INPP5A: variants seen among roughly 807,000 people sequenced by gnomAD.
INPP5A encodes inositol polyphosphate-5-phosphatase A.
In INPP5A, 14 loss-of-function variants were observed where a neutral mutation model predicts 65.2. That is an observed-to-expected ratio of 0.21 (90% confidence interval 0.14 to 0.34). The LOEUF is 0.34. Among genes scored for constraint, INPP5A ranks in the 10% least tolerant of loss-of-function variants. INPP5A has a pLI of 1.00. For missense variants in INPP5A, 431 were observed against 545.6 expected, an observed-to-expected ratio of 0.79 and a Z score of 2.09; for synonymous variants, 207 against 208.3, an observed-to-expected ratio of 0.99 and a Z score of 0.05.
intron 2 of INPP5A, among the ~76,000 whole-genome samples, chr10:132,618,095 T>C (rs145044123): frequency 7.9e-4 from 121 of 152,356 alleles, no homozygotes; most frequent in African/African-American, 2.7e-3. Flanking sequence ...CAGGATATAA[T>C]GTTGTCTGTC....
intron 4 of INPP5A, among the ~76,000 whole-genome samples, chr10:132,684,379 A>G (rs1366626165): frequency 6.6e-6 from 1 of 152,170 alleles, no homozygotes; most frequent in Non-Finnish European, 1.5e-5. Flanking sequence ...AGACATATGT[A>G]TGTCTACAGG....
Position 132,766,903 on chromosome 10 carries a change from G to A in INPP5A, c.977+1057G>A, listed in dbSNP as rs532558639. On this transcript the variant is annotated intron_variant, in intron 12 of 15. Coordinates refer to ENST00000368594, the MANE Select transcript of INPP5A (RefSeq NM_005539.5). ...GAGCTGGAGGATGCGGCCTCAGGGA[G>A]CTTGGGTGGGCTTGGGTGGGAGCCG... Among the ~76,000 whole-genome samples the A allele has an allele frequency of 1.3e-4, 18 of 140,894 alleles. 1 individual carries two copies. Among genetic ancestry groups the A allele is most frequent in the South Asian group, 5.0e-4 (2 of 4,006 alleles). The allele number at this position is 140,894 out of a possible 152,430, so 92.4% of individuals were successfully genotyped here.
chr10:132,665,249 G>A (rs551345646), intron 4 of INPP5A, among the ~76,000 whole-genome samples: 5 of 152,308 alleles, frequency 3.3e-5, no homozygotes, highest in Middle Eastern at 3.4e-3. Flanking sequence ...AGCGCACCCC[G>A]CAGCGGCCAC....
chr10:132,561,024 C>T (rs892132575), intron 1 of INPP5A, among the ~76,000 whole-genome samples: 10 of 147,556 alleles, frequency 6.8e-5, no homozygotes, highest in Non-Finnish European at 1.3e-4. Flanking sequence ...GTGTTGTCTT[C>T]GCTTTTTTGA....
rs1035902028 is a variant in INPP5A, at chr10:132,705,509, G to A, written c.475-2804G>A. Among the ~76,000 whole-genome samples, 10 of 152,250 alleles carry A rather than the reference G, an allele frequency of 6.6e-5. No individual in the cohort carries two copies. The highest frequency in any genetic ancestry group is 7.2e-5 in the African/African-American group (3 of 41,470). On this transcript the variant is annotated intron_variant, in intron 6 of 15. Coordinates refer to ENST00000368594, the MANE Select transcript of INPP5A (RefSeq NM_005539.5). This position sits in a 1 kb window ranked among gnomAD's most constrained non-coding sequence, Gnocchi z 4.9. The stretch of plus-strand genomic sequence containing the variant: ...CAGAGCCAGCTCGTGGTGTGAGGAC[G>A]GATCCTCCTCGACGAGTAGAGCCAT...
At chr10:132,683,742 A>T (rs970439419) in intron 4 of INPP5A, among the ~76,000 whole-genome samples, 2 of 152,210 alleles carry the variant, frequency 1.3e-5, no homozygotes, top group Non-Finnish European at 2.9e-5. Context: ...ACAAAGTCTC[A>T]CTTGCTCTGT....
At chr10:132,654,909 C>T (rs1179770507) in intron 4 of INPP5A, among the ~76,000 whole-genome samples, 3 of 152,222 alleles carry the variant, frequency 2.0e-5, no homozygotes, top group South Asian at 2.1e-4. Context: ...ATGGCGCCCA[C>T]GCAGCGCCTG....
At chr10:132,755,193 A>G (rs1421619776) in intron 11 of INPP5A, among the ~76,000 whole-genome samples, 1 of 151,424 alleles carries the variant, frequency 6.6e-6, no homozygotes, top group Non-Finnish European at 1.5e-5. Context: ...GAGAGCAGGC[A>G]TATGCACATG....
intron 11 of INPP5A, among the ~76,000 whole-genome samples, chr10:132,757,439 G>A (rs1403747631): frequency 2.0e-5 from 3 of 152,260 alleles, no homozygotes; most frequent in South Asian, 2.1e-4. Flanking sequence ...AGTGTGTTAC[G>A]CCACCTGCGG....
At chr10:132,746,686 C>G (rs1255803993) in intron 9 of INPP5A, among the ~76,000 whole-genome samples, 2 of 152,214 alleles carry the variant, frequency 1.3e-5, no homozygotes, top group Non-Finnish European at 2.9e-5. Flanking sequence ...CACACCGGAC[C>G]ACTCTTTCCA....
At chr10:132,586,485 C>T (rs1359355791) in intron 1 of INPP5A, among the ~76,000 whole-genome samples, 1 of 152,196 alleles carries the variant, frequency 6.6e-6, no homozygotes, top group African/African-American at 2.4e-5. Context: ...CCCAGAAACC[C>T]AGTTGACTTC....
chr10:132,664,907 T>C (rs933963385), intron 4 of INPP5A, among the ~76,000 whole-genome samples: 28 of 152,232 alleles, frequency 1.8e-4, no homozygotes, highest in African/African-American at 6.5e-4. Context: ...TGCATCCTGC[T>C]GTCTTAAGTA....
chr10:132,630,607 G>GGGAAGACGTCCATGAGT (rs2133372895), intron 2 of INPP5A, among the ~76,000 whole-genome samples: 1 of 146,754 alleles, frequency 6.8e-6, no homozygotes, highest in East Asian at 2.0e-4. Flanking sequence ...CGTCCATGAG[G>GGGAAGACGTCCATGAGT]GGAAGACATC....
intron 2 of INPP5A, among the ~76,000 whole-genome samples, chr10:132,626,322 C>G (rs2072183570): frequency 6.6e-6 from 1 of 152,234 alleles, no homozygotes; most frequent in Non-Finnish European, 1.5e-5. Context: ...ACGCAGGCTT[C>G]CCGGGACACA....
Position 132,558,460 on chromosome 10 carries a change from G to A in INPP5A, c.75+20289G>A, listed in dbSNP as rs754131899. On this transcript the variant is annotated intron_variant, in intron 1 of 15. Coordinates refer to ENST00000368594, the MANE Select transcript of INPP5A (RefSeq NM_005539.5). ...TGCCTCCTGAAGCCACGTCCACGTC[G>A]GCTCCTGTGCAGTAGAGACCGGAGT... is the stretch of plus-strand genomic sequence containing the variant. Among the ~76,000 whole-genome samples the A allele has an allele frequency of 3.0e-4, 45 of 152,180 alleles. 1 individual carries two copies. The highest frequency in any genetic ancestry group is 4.3e-4 in the Non-Finnish European group (29 of 68,020).
At chr10:132,589,685 G>A (rs1436962038) in intron 1 of INPP5A, among the ~76,000 whole-genome samples, 1 of 152,240 alleles carries the variant, frequency 6.6e-6, no homozygotes, top group Non-Finnish European at 1.5e-5. Context: ...CTTGGTGAGT[G>A]GGAGAGGGAT....
chr10:132,752,330 G>A (rs1846500909), intron 11 of INPP5A, among the ~76,000 whole-genome samples: 1 of 151,822 alleles, frequency 6.6e-6, no homozygotes, highest in Non-Finnish European at 1.5e-5. Flanking sequence ...AAGGAGCTAG[G>A]AGACAGGGAA....
rs1415105795 is a variant in INPP5A at position 132,783,440 on chromosome 10, G to A, written c.*1411G>A. ...TTCTGAGGGGCCTTTGGAAGTGACC[G>A]GTCTGGTTCCTAAGCAATAAAATTG... On this transcript the variant is annotated 3_prime_UTR_variant, in exon 16 of 16. Coordinates refer to ENST00000368594, the MANE Select transcript of INPP5A (RefSeq NM_005539.5). 6.6e-6 allele frequency: 1 copy of A among 152,418 alleles called. No individual in the cohort carries two copies. The highest frequency in any genetic ancestry group is 2.4e-5 in the African/African-American group (1 of 41,426). The allele number at this position is 152,418 out of a possible 1,614,324, so 9.4% of individuals were successfully genotyped here.
At chr10:132,717,002 C>G (rs948310019) in intron 8 of INPP5A, among the ~76,000 whole-genome samples, 2 of 152,186 alleles carry the variant, frequency 1.3e-5, no homozygotes, top group African/African-American at 4.8e-5. Flanking sequence ...GCCCAGGATG[C>G]CCCCAGCCCC....
Sources: allele counts gnomAD v4.1 joint callset (sites outside exome capture counted in the v4.1 genomes callset), GRCh38; gene constraint gnomAD v4.1.1; non-coding constraint Gnocchi (gnomAD v3.1); transcripts MANE v1.5; gene names NCBI Gene and HGNC (gene_info 2026-07-23, HGNC 2026-07-21).